Variants in BMS1 observed in about 807,000 individuals in gnomAD.
The protein encoded by BMS1 is ribosome biogenesis protein BMS1 homolog.
A neutral mutation model predicts 138.7 loss-of-function variants in BMS1; 53 were observed. That is an observed-to-expected ratio of 0.38 (90% confidence interval 0.31 to 0.48). The LOEUF is 0.48. BMS1 is among the 20% of genes least tolerant of loss of function. The pLI is 0.97. For missense variants in BMS1, 1,360 were observed against 1,565.5 expected (o/e 0.87, Z 2.22); for synonymous variants, 504 against 539.9 (o/e 0.93, Z 0.92).
chr10:42,788,289 A>C (rs1056249827), intron 4 of BMS1, among the ~76,000 whole-genome samples: 1 of 152,168 alleles, frequency 6.6e-6, no homozygotes, highest in Admixed American at 6.5e-5. Context: ...TTTCTCTTTT[A>C]TTTAAAATGT....
Position 42,821,008 on chromosome 10 carries a change from G to A in BMS1, c.3009+16G>A. On this transcript the variant is annotated intron_variant, in intron 18 of 22. Transcript: ENST00000374518. Reference sequence around the variant, plus strand: ...TGGCATAATGGTAACTATCTTGGATGATTTCTTTTACAGATTGGTTTGAGA... The same window carrying A: ...TGGCATAATGGTAACTATCTTGGATAATTTCTTTTACAGATTGGTTTGAGA... 6.5e-7 allele frequency: 1 copy of A among 1,540,008 alleles called. No individual in the cohort carries two copies. Among genetic ancestry groups the A allele is most frequent in the Non-Finnish European group, 8.9e-7 (1 of 1,126,250 alleles).
At chr10:42,794,226 C>T (rs1782845536) in intron 9 of BMS1, among the ~76,000 whole-genome samples, 1 of 152,146 alleles carries the variant, frequency 6.6e-6, no homozygotes, top group Non-Finnish European at 1.5e-5. Context: ...TCCTCAAATA[C>T]CATGCCATCT....
At chr10:42,825,086 G>A (rs188507801) in intron 21 of BMS1, among the ~76,000 whole-genome samples, 236 of 152,102 alleles carry the variant, frequency 1.6e-3, no homozygotes, top group Admixed American at 2.9e-3. Context: ...TCGGCTCACT[G>A]AAACCTCTGC....
chr10:42,798,558 A>G lies in BMS1; in HGVS notation c.2180A>G (p.His727Arg). ...AACCAGCCTGACAGAGAGTGTAAGC[A>G]CAAGGCTGACTCTTTGGACTGCTCC... The part of the protein sequence containing the change: ...RVNQPDRECK[H>R]KADSLDCSRF... Residue 727 changes from histidine to arginine, a missense_variant, in exon 12 of 23, where the codon CAC becomes CGC. Around this residue, in one of 3 missense-constraint regions of BMS1, gnomAD observed 697 missense variants for 686.2 expected, o/e 1.02. Transcript: ENST00000374518. The G allele has an allele frequency of 6.2e-7, 1 of 1,614,268 alleles. No individual in the cohort carries two copies. The highest frequency in any genetic ancestry group is 1.3e-5 in the African/African-American group (1 of 75,066).
intron 11 of BMS1, 106 bp from the exon 12 acceptor site, chr10:42,798,362 C>T (rs1229230823): frequency 2.2e-6 from 3 of 1,386,104 alleles, no homozygotes; most frequent in South Asian, 2.6e-5. Flanking sequence ...AGACAGAGTC[C>T]CTCAGTTCCT....
At chr10:42,817,547 G>A in intron 15 of BMS1, 53 bp downstream of exon 15, 2 of 1,532,484 alleles carry the variant, frequency 1.3e-6, no homozygotes, top group Non-Finnish European at 1.7e-6. Flanking sequence ...ATATAGCGCA[G>A]GAATCCCTGA....
intron 21 of BMS1, among the ~76,000 whole-genome samples, chr10:42,828,693 G>A (rs1301898294): frequency 6.6e-6 from 1 of 151,812 alleles, no homozygotes; most frequent in Non-Finnish European, 1.5e-5. Context: ...TAGAACTGTT[G>A]TTATTCTCTT....
chr10:42,815,582 G>A (rs1452108944), intron 13 of BMS1, among the ~76,000 whole-genome samples: 1 of 151,828 alleles, frequency 6.6e-6, no homozygotes, highest in Non-Finnish European at 1.5e-5. Context: ...CTTTTTTTGA[G>A]ACAGGGTCTC....
At position 42,833,651 on chromosome 10, in the gene BMS1, C is replaced by T. The variant is rs1842834444; in HGVS notation, c.*2555C>T. On this transcript the variant is annotated 3_prime_UTR_variant, in exon 23 of 23. Coordinates refer to ENST00000374518, the MANE Select transcript of BMS1 (RefSeq NM_014753.4). ...TGGAACCACTGCCATATACGTGGTC[C>T]ATCCTTGACTGAACATCATGCGGCA... is the stretch of plus-strand genomic sequence containing the variant. The T allele has an allele frequency of 6.6e-6, 1 of 152,208 alleles. No homozygotes were observed. Among genetic ancestry groups the T allele is most frequent in the African/African-American group, 2.4e-5 (1 of 41,456 alleles). The allele number at this position is 152,208 out of a possible 1,614,324, so 9.4% of individuals were successfully genotyped here.
At chr10:42,806,563 C>T (rs1279119179) in intron 13 of BMS1, among the ~76,000 whole-genome samples, 4 of 151,912 alleles carry the variant, frequency 2.6e-5, no homozygotes, top group Non-Finnish European at 2.9e-5. Context: ...GGTGAAACCC[C>T]GTCTCTACTA....
At chr10:42,826,475 A>T (rs1298961007) in intron 21 of BMS1, among the ~76,000 whole-genome samples, 1 of 152,176 alleles carries the variant, frequency 6.6e-6, no homozygotes, top group African/African-American at 2.4e-5. Context: ...AGTCTCTACG[A>T]GGCCAGGCGC....
intron 12 of BMS1, among the ~76,000 whole-genome samples, chr10:42,799,845 C>T (rs1816040848): frequency 6.6e-6 from 1 of 152,210 alleles, no homozygotes; most frequent in African/African-American, 2.4e-5. Flanking sequence ...ACTTGGTCTT[C>T]ATTACTGTTT....
intron 13 of BMS1, among the ~76,000 whole-genome samples, chr10:42,808,702 T>C (rs1222622833): frequency 6.6e-6 from 1 of 152,194 alleles, no homozygotes; most frequent in Non-Finnish European, 1.5e-5. Context: ...TTTTATGAGA[T>C]ATGAGGCTTA....
Position 42,823,599 on chromosome 10 carries a change from C to T in BMS1, c.3281-10C>T, listed in dbSNP as rs756897099. ...TTGAAAATGTTAAAGTAAATTACCTCTCTTTTCAGATATTGTCTTCATGCG... is the reference window on the plus strand; with the variant it reads ...TTGAAAATGTTAAAGTAAATTACCTTTCTTTTCAGATATTGTCTTCATGCG... On this transcript the variant is annotated splice_polypyrimidine_tract_variant and intron_variant, in intron 20 of 22. Coordinates refer to ENST00000374518, the MANE Select transcript of BMS1 (RefSeq NM_014753.4). The T allele has an allele frequency of 3.8e-5, 57 of 1,517,154 alleles. No individual in the cohort carries two copies. The Middle Eastern group carries it at 7.3e-4, about 19-fold the overall frequency. 94.0% of individuals were successfully genotyped at this position (1,517,154 alleles called of 1,614,324 possible).
chr10:42,803,460 T>TTA (rs1012448071), intron 13 of BMS1, among the ~76,000 whole-genome samples: 68 of 152,056 alleles, frequency 4.5e-4, no homozygotes, highest in African/African-American at 1.3e-3. Flanking sequence ...AATGTATTCT[T>TTA]TATATATATA....
At chr10:42,788,626 GTCCC>G (rs1319097232) in intron 4 of BMS1, among the ~76,000 whole-genome samples, 1 of 151,914 alleles carries the variant, frequency 6.6e-6, no homozygotes, top group African/African-American at 2.4e-5. Flanking sequence ...TTCCCTCTTT[GTCCC>G]TCCCTCCCTG....
chr10:42,810,769 G>A (rs1433371786), intron 13 of BMS1, among the ~76,000 whole-genome samples: 1 of 152,140 alleles, frequency 6.6e-6, no homozygotes, highest in African/African-American at 2.4e-5. Context: ...TTAGGGAAGT[G>A]GAAGTTGCAC....
Position 42,833,904 on chromosome 10 carries a change from G to C in BMS1, c.*2808G>C, listed in dbSNP as rs1842837970. The C allele has an allele frequency of 6.6e-6, 1 of 152,250 alleles. No homozygotes were observed. The highest frequency in any genetic ancestry group is 2.4e-5 in the African/African-American group (1 of 41,472). The allele number at this position is 152,250 out of a possible 1,614,324, so 9.4% of individuals were successfully genotyped here. ...GTTCACCTTGTTGGCACTTGGAGTA[G>C]AGCCACTGAGCTTCGTGCTGCATAA... On this transcript the variant is annotated 3_prime_UTR_variant, in exon 23 of 23. Coordinates refer to ENST00000374518, the MANE Select transcript of BMS1 (RefSeq NM_014753.4).
rs780378327 is a variant in BMS1, at chr10:42,832,803, T to C, written c.*1707T>C. Reference sequence around the variant, plus strand: ...TTCCTCTGTTCCTCAAGAGCTATTATGAATTTCATCATCCATTATGCTGAT... The same window carrying C: ...TTCCTCTGTTCCTCAAGAGCTATTACGAATTTCATCATCCATTATGCTGAT... On this transcript the variant is annotated 3_prime_UTR_variant, in exon 23 of 23. Transcript: ENST00000374518. 3.3e-5 allele frequency: 5 copies of C among 152,228 alleles called. No individual in the cohort carries two copies. Among genetic ancestry groups the C allele is most frequent in the African/African-American group, 7.2e-5 (3 of 41,456 alleles). 9.4% of individuals were successfully genotyped at this position (152,228 alleles called of 1,614,324 possible).
Sources: allele counts gnomAD v4.1 joint callset (sites outside exome capture counted in the v4.1 genomes callset), GRCh38; gene constraint gnomAD v4.1.1; regional missense constraint gnomAD v4.1.1; transcripts MANE v1.5; gene names NCBI Gene and HGNC (gene_info 2026-07-23, HGNC 2026-07-21).